The following YTHDC2 variants were observed in gnomAD, a reference collection of about 807,000 sequenced individuals.
YTHDC2 encodes the protein YTH N6-methyladenosine RNA binding protein C2.
A neutral mutation model predicts 174.9 loss-of-function variants in YTHDC2; 45 were observed. That is an observed-to-expected ratio of 0.26 (90% CI 0.20 to 0.33). YTHDC2 has a LOEUF of 0.33. YTHDC2 is among the 10% of genes least tolerant of loss of function. YTHDC2 has a pLI of 1.00. For missense variants in YTHDC2, 1,650 were observed against 1,723.7 expected (o/e 0.96, Z 0.76); for synonymous variants, 657 against 574.5 (o/e 1.14, Z -2.05).
chr5:113,560,331 T>C (rs2112702723), intron 17 of YTHDC2, among the ~76,000 whole-genome samples: 1 of 152,362 alleles, frequency 6.6e-6, no homozygotes, highest in South Asian at 2.1e-4. Context: ...TACAAAAGTG[T>C]CTTGAACTTA....
At chr5:113,580,039 C>A in intron 24 of YTHDC2, 1 of 563,410 alleles carries the variant, frequency 1.8e-6, no homozygotes, top group Non-Finnish European at 2.2e-6. Context: ...GGCTGCTGGA[C>A]CCTGCCTCCT....
At chr5:113,525,322 A>C (rs1168242441) in intron 3 of YTHDC2, 145 bp downstream of exon 3, 2 of 806,654 alleles carry the variant, frequency 2.5e-6, no homozygotes, top group East Asian at 5.9e-5. Context: ...AGTTGTAAAA[A>C]TTTGAAACAA....
At chr5:113,566,390 A>T (rs1777329787) in intron 21 of YTHDC2, among the ~76,000 whole-genome samples, 1 of 151,482 alleles carries the variant, frequency 6.6e-6, no homozygotes, top group African/African-American at 2.4e-5. Flanking sequence ...AATTGATATG[A>T]ATGCTGCTCT....
intron 2 of YTHDC2, among the ~76,000 whole-genome samples, 181 bp from the exon 3 acceptor site, chr5:113,524,800 T>G (rs1407126604): frequency 6.6e-6 from 1 of 152,094 alleles, no homozygotes; most frequent in Non-Finnish European, 1.5e-5. Context: ...TGAAAATAGT[T>G]TTATGGCCAC....
At position 113,594,800 on chromosome 5, in the gene YTHDC2, GTTTTATA is replaced by G. The variant is rs1779177864; in HGVS notation, c.*1330_*1336del. 1 of 152,058 alleles carries G rather than the reference GTTTTATA, an allele frequency of 6.6e-6. No homozygotes were observed. The highest frequency in any genetic ancestry group is 1.5e-5 in the Non-Finnish European group (1 of 67,998). The allele number at this position is 152,058 out of a possible 1,614,324, so 9.4% of individuals were successfully genotyped here. On this transcript the variant is annotated 3_prime_UTR_variant, in exon 30 of 30. Transcript: ENST00000161863. Reference sequence around the variant, plus strand: ...AATTAAAGACAAAAAGAAAACTCTGGTTTTATATTTGAGAACACGTGAAAAATCATGG... The same window carrying G: ...AATTAAAGACAAAAAGAAAACTCTGGTTTGAGAACACGTGAAAAATCATGG...
intron 2 of YTHDC2, among the ~76,000 whole-genome samples, chr5:113,518,609 G>A (rs1052616693): frequency 6.6e-6 from 1 of 150,500 alleles, no homozygotes; most frequent in African/African-American, 2.5e-5. Flanking sequence ...GTATCTGTAG[G>A]TGTCTGATAT....
chr5:113,523,736 A>G (rs763864904), intron 2 of YTHDC2, among the ~76,000 whole-genome samples: 3 of 152,130 alleles, frequency 2.0e-5, no homozygotes, highest in Non-Finnish European at 4.4e-5. Context: ...TAGAAAACTT[A>G]TATGCTAAAA....
intron 23 of YTHDC2, among the ~76,000 whole-genome samples, chr5:113,576,473 CTT>C (rs1778052217): frequency 6.6e-6 from 1 of 152,106 alleles, no homozygotes; most frequent in Non-Finnish European, 1.5e-5. Flanking sequence ...TGATAAAACT[CTT>C]TGAAGTGGGA....
At chr5:113,559,528 A>G (rs1215712812) in intron 17 of YTHDC2, among the ~76,000 whole-genome samples, 2 of 152,242 alleles carry the variant, frequency 1.3e-5, no homozygotes, top group African/African-American at 2.4e-5. Context: ...CAGACTGTCC[A>G]TGTCAATTTG....
Position 113,561,083 on chromosome 5 carries a change from A to G in YTHDC2, c.2220A>G (p.Ala740=), listed in dbSNP as rs1273436622. 2 of 1,603,358 alleles carry G rather than the reference A, an allele frequency of 1.2e-6. No individual in the cohort carries two copies. Among genetic ancestry groups the G allele is most frequent in the Admixed American group, 3.4e-5 (2 of 59,448 alleles). ...AATCTTGTACTTTATTTTTAAGGGC[A>G]GGGCGATGTAGACCTGGAATTTGTT... ...KASAIQRKGR[A]GRCRPGICFR... Residue 740 remains alanine (A), a synonymous_variant, in exon 18 of 30, where the codon GCA becomes GCG. Transcript: ENST00000161863.
chr5:113,526,090 C>T (rs1774215551), intron 3 of YTHDC2, among the ~76,000 whole-genome samples: 1 of 151,974 alleles, frequency 6.6e-6, no homozygotes, highest in Non-Finnish European at 1.5e-5. Context: ...ACATGTATAG[C>T]ATTAAACATA....
chr5:113,565,950 C>G lies in YTHDC2; in HGVS notation c.2773C>G (p.Leu925Val), dbSNP rs750964179. ...WERAFCEKNF[L>V]SQATMEIIIG... is the part of the protein sequence containing the mutation. ...GCGAGCCTTTTGTGAAAAGAATTTTCTTTCACAGGCTACTATGGAAATAAT... is the reference window on the plus strand; with the variant it reads ...GCGAGCCTTTTGTGAAAAGAATTTTGTTTCACAGGCTACTATGGAAATAAT... Residue 925 changes from leucine (L) to valine (V), a missense_variant, in exon 21 of 30, where the codon CTT becomes GTT. Coordinates refer to ENST00000161863, the MANE Select transcript of YTHDC2 (RefSeq NM_022828.5). 15 of 1,613,520 alleles carry G rather than the reference C, an allele frequency of 9.3e-6. No individual in the cohort carries two copies.
Position 113,553,157 on chromosome 5 carries a change from C to CTTT in YTHDC2, c.1689-6_1689-4dup, listed in dbSNP as rs34053583. 1,096 of 1,097,810 alleles carry CTTT rather than the reference C, an allele frequency of 1.0e-3. 14 individuals are homozygous for CTTT. Among genetic ancestry groups the CTTT allele is most frequent in the South Asian group, 2.7e-3 (116 of 43,702 alleles). The allele number at this position is 1,097,810 out of a possible 1,614,324, so 68.0% of individuals were successfully genotyped here. A position where few individuals can be genotyped will look rare whatever the true frequency, so the allele number is the denominator to read the frequency against. ...TTTTGTTAATGGAAATTGACTTTGT[C>CTTT]TTTTTTTTTTTTTTTTTTTTCAGTG... On this transcript the variant is annotated intron_variant, in intron 12 of 29. Coordinates refer to ENST00000161863, the MANE Select transcript of YTHDC2 (RefSeq NM_022828.5).
intron 18 of YTHDC2, among the ~76,000 whole-genome samples, chr5:113,561,957 G>GGTGTGTGTGTGTGTGTGTGTGTGTGT (rs70973686): frequency 7.4e-5 from 10 of 134,960 alleles, no homozygotes; most frequent in African/African-American, 1.4e-4. Context: ...ATTAATTGTG[G>GGTGTGTGTGTGTGTGTGTGTGTGTGT]GTGTGTGTGT....
Position 113,553,275 on chromosome 5 carries a change from TATC to T in YTHDC2, c.1789_1791del (p.His597del). 1.2e-6 allele frequency: 2 copies of T among 1,611,556 alleles called. No individual in the cohort carries two copies. Among genetic ancestry groups the T allele is most frequent in the Non-Finnish European group, 1.7e-6 (2 of 1,178,736 alleles). ...TGAAGACAGAGAGCTCCTGAAAGCTTATCATCATAGTTTCGATGATGAAAAAGT... is the reference window on the plus strand; with the variant it reads ...TGAAGACAGAGAGCTCCTGAAAGCTTATCATAGTTTCGATGATGAAAAAGT... On this transcript the variant is annotated inframe_deletion, in exon 13 of 30. Transcript: ENST00000161863.
chr5:113,585,271 A>C (rs959943648), intron 26 of YTHDC2, among the ~76,000 whole-genome samples: 1 of 152,136 alleles, frequency 6.6e-6, no homozygotes. Flanking sequence ...ACTATCTTTA[A>C]AAAAACTTGT....
Position 113,581,685 on chromosome 5 carries a change from C to G in YTHDC2, c.3623C>G (p.Ser1208Cys), listed in dbSNP as rs1178283647. 2 of 1,607,192 alleles carry G rather than the reference C, an allele frequency of 1.2e-6. No individual in the cohort carries two copies. The highest frequency in any genetic ancestry group is 2.2e-5 in the East Asian group (1 of 44,702). The change falls in exon 25 of 30, where the codon TCT becomes TGT. Residue 1208 changes from serine (S) to cysteine (C), a missense_variant. By Grantham distance (112) the Ser-to-Cys change is moderately radical. Around this residue, in one of 5 missense-constraint regions of YTHDC2, gnomAD observed 913 missense variants for 940.4 expected, o/e 0.97. Transcript: ENST00000161863. ...AAAAGTTCAGCAGATACTGAATTTT[C>G]TGATGAGTGTACTACTGCAGAAAGG... ...SRKSSADTEF[S>C]DECTTAERVL...
intron 12 of YTHDC2, among the ~76,000 whole-genome samples, chr5:113,549,535 C>T (rs527820231): frequency 6.6e-6 from 1 of 152,102 alleles, no homozygotes; most frequent in African/African-American, 2.4e-5. Context: ...AGTTAGTTAT[C>T]AAAGAGAAAA....
At chr5:113,531,487 G>C (rs756184372) in intron 4 of YTHDC2, among the ~76,000 whole-genome samples, 5 of 152,020 alleles carry the variant, frequency 3.3e-5, no homozygotes, top group African/African-American at 4.8e-5. Context: ...ACCAATTAAA[G>C]GTTGGTCTTA....
Sources: gnomAD v4.1 joint callset for allele counts (sites outside exome capture counted in the v4.1 genomes callset) on GRCh38, gnomAD v4.1.1 for gene constraint, gnomAD v4.1.1 regional missense constraint, MANE v1.5 for transcripts, NCBI Gene and HGNC (gene_info 2026-07-23, HGNC 2026-07-21) for gene names.